OPHN1: variants seen among roughly 807,000 people sequenced by gnomAD.
OPHN1 encodes the protein oligophrenin-1.
OPHN1 carries 11 observed loss-of-function variants against 60.7 expected under a neutral mutation model. That is an observed-to-expected ratio of 0.18 (90% confidence interval 0.11 to 0.30). OPHN1 has a LOEUF of 0.30. Ranked by LOEUF, OPHN1 falls within the 10% of genes least tolerant of loss-of-function variation. The pLI, the probability that OPHN1 is intolerant of heterozygous loss-of-function variation, is 1.00. For missense variants in OPHN1, 449 were observed against 611.0 expected, an observed-to-expected ratio of 0.73 and a Z score of 2.80; for synonymous variants, 226 against 222.6, an observed-to-expected ratio of 1.02 and a Z score of -0.14.
At chrX:68,137,903 A>G (rs1467275120) in intron 15 of OPHN1, among the ~76,000 whole-genome samples, 1 of 111,685 alleles carries the variant, frequency 9.0e-6, no homozygotes, top group Non-Finnish European at 1.9e-5. Flanking sequence ...TCTATGTCAG[A>G]TCTAAGGAGG....
intron 17 of OPHN1, chrX:68,112,297 T>C: frequency 6.1e-6 from 1 of 164,840 alleles, no homozygotes; most frequent in South Asian, 1.6e-4. Flanking sequence ...ATGTAGAAAA[T>C]AGAAGATAGA....
At chrX:68,189,325 A>AC (rs1451245462) in intron 15 of OPHN1, among the ~76,000 whole-genome samples, 1 of 112,169 alleles carries the variant, frequency 8.9e-6, no homozygotes, top group African/African-American at 3.2e-5. Flanking sequence ...GGAAAGAGAA[A>AC]CAGAACTCTT....
intron 2 of OPHN1, among the ~76,000 whole-genome samples, chrX:68,368,254 G>A (rs1047659363): frequency 3.6e-5 from 4 of 111,699 alleles, no homozygotes; most frequent in Non-Finnish European, 7.5e-5. Flanking sequence ...CTGCTGGCCA[G>A]GTATGGTGGC....
At chrX:68,426,940 T>C (rs1251114102) in intron 2 of OPHN1, among the ~76,000 whole-genome samples, 2 of 104,246 alleles carry the variant, frequency 1.9e-5, no homozygotes, top group African/African-American at 6.9e-5. Context: ...ATCCTTGGTT[T>C]GGAAAAGGGT....
intron 15 of OPHN1, among the ~76,000 whole-genome samples, chrX:68,130,324 T>TATAA (rs1220243081): frequency 9.0e-6 from 1 of 111,548 alleles, no homozygotes; most frequent in Non-Finnish European, 1.9e-5. Flanking sequence ...AGCAGCTTAA[T>TATAA]ATAAATCCAT....
intron 2 of OPHN1, among the ~76,000 whole-genome samples, chrX:68,358,030 C>T (rs570260622): frequency 2.8e-5 from 3 of 108,353 alleles, no homozygotes; most frequent in African/African-American, 6.7e-5. Flanking sequence ...GTGGCTCACG[C>T]GTATAATCCC....
intron 2 of OPHN1, among the ~76,000 whole-genome samples, chrX:68,379,066 C>G (rs1413288652): frequency 9.0e-6 from 1 of 110,926 alleles, no homozygotes; most frequent in Non-Finnish European, 1.9e-5. Flanking sequence ...TACCCATGAG[C>G]ATGGAATGTT....
chrX:68,297,110 C>G (rs958740626), intron 3 of OPHN1, among the ~76,000 whole-genome samples: 2 of 111,301 alleles, frequency 1.8e-5, no homozygotes, highest in Non-Finnish European at 3.8e-5. Flanking sequence ...GAAAAAGGAG[C>G]CATTTATATA....
chrX:68,325,581 C>CTTTTTTTTT (rs1569280748), intron 2 of OPHN1, among the ~76,000 whole-genome samples: 23 of 76,422 alleles, frequency 3.0e-4, no homozygotes, highest in African/African-American at 1.4e-3. Context: ...AATTTTTAAA[C>CTTTTTTTTT]TTTTGGATAA....
At chrX:68,379,674 T>C (rs1371888666) in intron 2 of OPHN1, among the ~76,000 whole-genome samples, 1 of 110,165 alleles carries the variant, frequency 9.1e-6, no homozygotes, top group East Asian at 2.8e-4. Flanking sequence ...CTTTTCTGCA[T>C]CTATTGAGAT....
chrX:68,394,799 A>G (rs2078674407), intron 2 of OPHN1, among the ~76,000 whole-genome samples: 1 of 111,152 alleles, frequency 9.0e-6, no homozygotes, highest in Non-Finnish European at 1.9e-5. Flanking sequence ...GGCACGCGCT[A>G]CCACGCCCAG....
intron 2 of OPHN1, among the ~76,000 whole-genome samples, chrX:68,317,496 AG>A (rs1283292388): frequency 4.4e-5 from 4 of 90,743 alleles, no homozygotes; most frequent in African/African-American, 1.7e-4. Flanking sequence ...AGAGGGAGGG[AG>A]AGAGGGAGGG....
intron 15 of OPHN1, among the ~76,000 whole-genome samples, chrX:68,143,607 G>A (rs1182079947): frequency 9.0e-6 from 1 of 111,308 alleles, no homozygotes; most frequent in Non-Finnish European, 1.9e-5. Context: ...CATTCCTTCT[G>A]GGGGTCTAGC....
intron 15 of OPHN1, among the ~76,000 whole-genome samples, chrX:68,182,545 G>T: frequency 9.0e-6 from 1 of 111,298 alleles, no homozygotes; most frequent in Non-Finnish European, 1.9e-5. Context: ...AGAGATAAGA[G>T]CACCAAGCTG....
intron 23 of OPHN1, among the ~76,000 whole-genome samples, chrX:68,051,475 G>T (rs937136965): frequency 1.4e-4 from 16 of 111,553 alleles, no homozygotes; most frequent in African/African-American, 4.9e-4. Flanking sequence ...GTTTTAGTGG[G>T]TCTAGAATGA....
intron 2 of OPHN1, among the ~76,000 whole-genome samples, chrX:68,399,736 T>C (rs1038722809): frequency 6.3e-5 from 7 of 110,857 alleles, no homozygotes; most frequent in Non-Finnish European, 1.3e-4. Flanking sequence ...ACGCTATATC[T>C]CCCTAGCATG....
At chrX:68,317,519 G>C (rs1405742400) in intron 2 of OPHN1, among the ~76,000 whole-genome samples, 5 of 46,509 alleles carry the variant, frequency 1.1e-4, no homozygotes, top group African/African-American at 9.6e-4. Flanking sequence ...AAGAGAGAGA[G>C]AAAGAAAGAA....
At chrX:68,394,439 C>T (rs2078672711) in intron 2 of OPHN1, among the ~76,000 whole-genome samples, 2 of 111,441 alleles carry the variant, frequency 1.8e-5, no homozygotes, top group Non-Finnish European at 3.8e-5. Flanking sequence ...TTCATGCTTG[C>T]CTGCTTTTAC....
chrX:68,060,678 T>C (rs1213060935), intron 21 of OPHN1, among the ~76,000 whole-genome samples: 1 of 111,929 alleles, frequency 8.9e-6, no homozygotes, highest in East Asian at 2.8e-4. Context: ...GGGGTGAAGA[T>C]GGGGGCAGGA....
Sources: gnomAD v4.1 joint callset for allele counts (sites outside exome capture counted in the v4.1 genomes callset) on GRCh38, gnomAD v4.1.1 for gene constraint, MANE v1.5 for transcripts, NCBI Gene and HGNC (gene_info 2026-07-23, HGNC 2026-07-21) for gene names.